EFCAB13: variants seen among roughly 807,000 people sequenced by gnomAD.
EFCAB13 encodes the protein EF-hand calcium binding domain 13, also known as EF-hand calcium-binding domain-containing protein 13.
Under a neutral mutation model 110.2 loss-of-function variants are expected in EFCAB13, and 91 were observed. The observed-to-expected ratio is 0.83, with a 90% CI of 0.70 to 0.98. EFCAB13 has a LOEUF of 0.98. Among genes scored for constraint, EFCAB13 ranks in the 50% least tolerant of loss-of-function variants. The probability of loss-of-function intolerance (pLI) is 0.00; values close to 1 mark genes in which losing one functional copy is unlikely to be tolerated. For missense variants in EFCAB13, 968 were observed against 1,119.4 expected (o/e 0.86, Z 1.93); for synonymous variants, 323 against 369.9 (o/e 0.87, Z 1.45).
chr17:47,370,623 T>C (rs1280781285), intron 11 of EFCAB13, 115 bp downstream of exon 11: 2 of 639,844 alleles, frequency 3.1e-6, no homozygotes, highest in Non-Finnish European at 5.2e-6. Context: ...TCTGAATAAT[T>C]TACCCTCTTA....
Position 47,370,490 on chromosome 17 carries a change from G to A in EFCAB13, c.859G>A (p.Glu287Lys). ...TATATTTACTTTGAATGAGCTACAGGAACAGTATGAGGATGTTTGTAAGTG... is the reference window on the plus strand; with the variant it reads ...TATATTTACTTTGAATGAGCTACAGAAACAGTATGAGGATGTTTGTAAGTG... ...DIIFTLNELQ[E>K]QYEDVSITEG... Residue 287 changes from glutamate (E) to lysine (K), a missense_variant, in exon 11 of 25, where the codon GAA (glutamate) becomes AAA (lysine). Glu to Lys is a moderately conservative substitution (Grantham distance 56). Transcript: ENST00000331493. 6.2e-7 allele frequency: 1 copy of A among 1,607,562 alleles called. No individual in the cohort carries two copies. Among genetic ancestry groups the A allele is most frequent in the Non-Finnish European group, 8.5e-7 (1 of 1,174,562 alleles).
At chr17:47,393,820 C>T (rs2065722710) in intron 15 of EFCAB13, among the ~76,000 whole-genome samples, 1 of 149,772 alleles carries the variant, frequency 6.7e-6, no homozygotes. Flanking sequence ...GAATTTTGAC[C>T]CGTTTTCTTG....
At chr17:47,404,054 T>G in intron 19 of EFCAB13, 33 bp downstream of exon 19, 1 of 1,539,386 alleles carries the variant, frequency 6.5e-7, no homozygotes, top group South Asian at 1.2e-5. Context: ...TCAGGTTTTT[T>G]TTTTGTAGGA....
intron 7 of EFCAB13, 44 bp downstream of exon 7, chr17:47,344,336 A>G (rs774623166): frequency 1.5e-5 from 24 of 1,588,704 alleles, no homozygotes; most frequent in Middle Eastern, 1.7e-4. Context: ...TTGGGTTCAG[A>G]CTTGGGTGTT....
intron 17 of EFCAB13, among the ~76,000 whole-genome samples, chr17:47,397,813 G>A (rs1344404748): frequency 4.6e-5 from 7 of 151,462 alleles, no homozygotes; most frequent in Admixed American, 6.6e-5. Context: ...CCCTCCGCCC[G>A]GCAGCTGCCC....
intron 11 of EFCAB13, among the ~76,000 whole-genome samples, chr17:47,373,344 A>AT (rs2065596221): frequency 6.6e-6 from 1 of 151,750 alleles, no homozygotes; most frequent in Non-Finnish European, 1.5e-5. Context: ...ATTTCACTGA[A>AT]TTTTTTTCTC....
chr17:47,390,325 T>TACACACACACACACAC lies in EFCAB13; in HGVS notation c.1583-1107_1583-1092dup, dbSNP rs111830433. 1.5e-3 allele frequency among the ~76,000 whole-genome samples: 223 copies of TACACACACACACACAC among 150,208 alleles called. 2 individuals are homozygous for TACACACACACACACAC. Among genetic ancestry groups the TACACACACACACACAC allele is most frequent in the South Asian group, 9.1e-3 (43 of 4,750 alleles). On this transcript the variant is annotated intron_variant, in intron 14 of 24. Coordinates refer to ENST00000331493, the MANE Select transcript of EFCAB13 (RefSeq NM_152347.5). Reference sequence around the variant, plus strand: ...GCATACACAACCTCTGTTTTTTTCATACACACACACACACACACACTTTCT... The same window carrying TACACACACACACACAC: ...GCATACACAACCTCTGTTTTTTTCATACACACACACACACACACACACACACACACACACACTTTCT...
At chr17:47,329,694 C>T (rs1331504410) in intron 4 of EFCAB13, among the ~76,000 whole-genome samples, 1 of 152,024 alleles carries the variant, frequency 6.6e-6, no homozygotes. Flanking sequence ...AGATTGTTTT[C>T]TTCTTCTGTG....
rs184251132 is a variant in EFCAB13 at position 47,380,242 on chromosome 17, C to A, written c.1582+989C>A. Reference sequence around the variant, plus strand: ...CTATCCCCCTACTAGCCCCCTACCCCCTGACAGGCCCCAGTGTGTGATGTT... The same window carrying A: ...CTATCCCCCTACTAGCCCCCTACCCACTGACAGGCCCCAGTGTGTGATGTT... On this transcript the variant is annotated intron_variant, in intron 14 of 24. Coordinates refer to ENST00000331493, the MANE Select transcript of EFCAB13 (RefSeq NM_152347.5). Among the ~76,000 whole-genome samples, 22 of 152,158 alleles carry A rather than the reference C, an allele frequency of 1.4e-4. No individual in the cohort carries two copies. In the East Asian group the frequency reaches 3.3e-3, roughly 23 times the overall value.
chr17:47,352,731 C>A (rs966357514), intron 9 of EFCAB13, among the ~76,000 whole-genome samples: 4 of 152,012 alleles, frequency 2.6e-5, no homozygotes, highest in African/African-American at 9.7e-5. Context: ...GATGTTTTTC[C>A]ATTTGTTTGT....
rs377489287 is a variant in EFCAB13 at position 47,330,660 on chromosome 17, C to T, written c.30+2277C>T. ...TCTTTTTTATGGGTGAGTAGTATTC[C>T]GTAGTATATATACCACATTTTCTTT... is the stretch of plus-strand genomic sequence containing the variant. On this transcript the variant is annotated intron_variant, in intron 4 of 24. Coordinates refer to ENST00000331493, the MANE Select transcript of EFCAB13 (RefSeq NM_152347.5). Among the ~76,000 whole-genome samples, 22 of 152,036 alleles carry T rather than the reference C, an allele frequency of 1.4e-4. No individual in the cohort carries two copies. In the East Asian group the frequency reaches 2.3e-3, roughly 16 times the overall value.
intron 21 of EFCAB13, among the ~76,000 whole-genome samples, chr17:47,410,886 T>C (rs951713392): frequency 5.3e-5 from 8 of 152,202 alleles, no homozygotes; most frequent in South Asian, 2.1e-4. Context: ...TTGTTTCCTT[T>C]GTTATATGCT....
intron 8 of EFCAB13, among the ~76,000 whole-genome samples, chr17:47,346,105 G>C (rs2065414191): frequency 6.6e-6 from 1 of 152,040 alleles, no homozygotes; most frequent in East Asian, 1.9e-4. Flanking sequence ...AAAAATGTAA[G>C]TTATTCTTAT....
intron 9 of EFCAB13, among the ~76,000 whole-genome samples, chr17:47,360,027 G>A (rs1033304225): frequency 6.6e-6 from 1 of 151,816 alleles, no homozygotes; most frequent in Non-Finnish European, 1.5e-5. Context: ...GTCTATCATT[G>A]TTGGACATTT....
intron 14 of EFCAB13, among the ~76,000 whole-genome samples, chr17:47,388,079 T>C (rs998457430): frequency 5.9e-5 from 9 of 152,230 alleles, no homozygotes; most frequent in African/African-American, 2.2e-4. Flanking sequence ...GTGTCTCCTT[T>C]GGCTGAGATA....
At chr17:47,372,817 A>G (rs1454289142) in intron 11 of EFCAB13, among the ~76,000 whole-genome samples, 1 of 152,066 alleles carries the variant, frequency 6.6e-6, no homozygotes, top group Non-Finnish European at 1.5e-5. Flanking sequence ...TGGAACGTAT[A>G]TGTTATTTAC....
intron 24 of EFCAB13, among the ~76,000 whole-genome samples, chr17:47,439,674 G>T (rs140984227): frequency 6.6e-6 from 1 of 152,034 alleles, no homozygotes; most frequent in African/African-American, 2.4e-5. Flanking sequence ...TTAAATTTAT[G>T]TGTCTACTGT....
chr17:47,324,339 G>A (rs1314643871), intron 1 of EFCAB13, 115 bp from the exon 2 acceptor site: 2 of 152,870 alleles, frequency 1.3e-5, no homozygotes, highest in Non-Finnish European at 2.9e-5. Flanking sequence ...GCGGTCCCGG[G>A]GGTGGTGTCA....
intron 23 of EFCAB13, among the ~76,000 whole-genome samples, chr17:47,418,732 G>A (rs1904533715): frequency 6.6e-6 from 1 of 152,152 alleles, no homozygotes; most frequent in Admixed American, 6.5e-5. Context: ...TGTATGTGGT[G>A]TGAGATGACA....
Sources: allele counts gnomAD v4.1 joint callset (sites outside exome capture counted in the v4.1 genomes callset), GRCh38; gene constraint gnomAD v4.1.1; transcripts MANE v1.5; gene names NCBI Gene and HGNC (gene_info 2026-07-23, HGNC 2026-07-21).